PRKCH: variants seen among roughly 807,000 people sequenced by gnomAD.
PRKCH encodes protein kinase C eta type.
In PRKCH, 28 loss-of-function variants were observed where a neutral mutation model predicts 82.5. The ratio of observed to expected loss-of-function variants is 0.34; its 90% CI spans 0.25 to 0.47. The LOEUF (loss-of-function observed/expected upper bound fraction) is 0.47. Among genes scored for constraint, PRKCH ranks in the 20% least tolerant of loss-of-function variants. PRKCH has a pLI of 1.00. For missense variants in PRKCH, 705 were observed against 881.8 expected, an observed-to-expected ratio of 0.80 and a Z score of 2.54; for synonymous variants, 322 against 327.4, an observed-to-expected ratio of 0.98 and a Z score of 0.18.
At chr14:61,516,565 C>T (rs2042832076) in intron 10 of PRKCH, among the ~76,000 whole-genome samples, 1 of 152,118 alleles carries the variant, frequency 6.6e-6, no homozygotes, top group Admixed American at 6.5e-5. Context: ...AACTAAATGG[C>T]TATTTGGGAA....
intron 1 of PRKCH, among the ~76,000 whole-genome samples, chr14:61,265,261 G>A (rs376834942): frequency 6.6e-6 from 1 of 151,988 alleles, no homozygotes; most frequent in Non-Finnish European, 1.5e-5. Context: ...TGGGTGGATT[G>A]CTGGAACCCA....
chr14:61,222,391 T>C (rs1490870633), intron 1 of PRKCH, among the ~76,000 whole-genome samples: 3 of 145,376 alleles, frequency 2.1e-5, no homozygotes, highest in Admixed American at 2.0e-4. Flanking sequence ...TTATTGGTAG[T>C]ATCCTCATTT....
intron 12 of PRKCH, among the ~76,000 whole-genome samples, chr14:61,540,860 G>C (rs1001870827): frequency 6.6e-6 from 1 of 152,114 alleles, no homozygotes; most frequent in Non-Finnish European, 1.5e-5. Context: ...CTCTTGGCTC[G>C]TCCAGTATTC....
chr14:61,328,571 A>G (rs2045735573), intron 1 of PRKCH, among the ~76,000 whole-genome samples: 3 of 152,138 alleles, frequency 2.0e-5, no homozygotes, highest in African/African-American at 2.4e-5. Context: ...TTTGGTATCT[A>G]GTAAGTGTTA....
At chr14:61,375,719 C>T (rs78529033) in intron 1 of PRKCH, among the ~76,000 whole-genome samples, 4,154 of 152,078 alleles carry the variant, frequency 0.027, 209 homozygotes, top group African/African-American at 0.093. Context: ...ATTCAGTCAC[C>T]TCCCAGCAGG....
intron 10 of PRKCH, among the ~76,000 whole-genome samples, chr14:61,505,483 C>A (rs35395153): frequency 7.2e-6 from 1 of 139,086 alleles, no homozygotes; most frequent in South Asian, 2.4e-4. Context: ...TCAAGCAATT[C>A]TCCTGCCTCA....
At chr14:61,304,715 T>C (rs1420131349) in intron 1 of PRKCH, 2 of 152,036 alleles carry the variant, frequency 1.3e-5, no homozygotes, top group African/African-American at 4.8e-5. Flanking sequence ...TCCTAGCTAA[T>C]TGGGAGGCTG....
At chr14:61,453,422 A>G in intron 7 of PRKCH, 69 bp downstream of exon 7, 1 of 1,540,958 alleles carries the variant, frequency 6.5e-7, no homozygotes, top group Non-Finnish European at 8.8e-7. Context: ...CCCAAATGAG[A>G]GCATGTGGCC....
intron 10 of PRKCH, among the ~76,000 whole-genome samples, chr14:61,522,942 C>T (rs2042923973): frequency 6.6e-6 from 1 of 152,252 alleles, no homozygotes; most frequent in South Asian, 2.1e-4. Context: ...TTTGCTAATT[C>T]AGTGACTTTT....
At chr14:61,188,594 GGGT>G (rs1417957729) in intron 1 of PRKCH, among the ~76,000 whole-genome samples, 2 of 57,368 alleles carry the variant, frequency 3.5e-5, no homozygotes, top group African/African-American at 1.4e-4. Context: ...TGTGTCGGGG[GGGT>G]GGGGGGGTGG....
chr14:61,390,547 C>T (rs1159150043), intron 1 of PRKCH: 1 of 152,326 alleles, frequency 6.6e-6, no homozygotes, highest in Non-Finnish European at 1.5e-5. Context: ...TGGCACACGC[C>T]TGTAATCCCA....
At chr14:61,427,162 G>A (rs1033824310) in intron 2 of PRKCH, among the ~76,000 whole-genome samples, 1 of 152,170 alleles carries the variant, frequency 6.6e-6, no homozygotes, top group Non-Finnish European at 1.5e-5. Context: ...AAGGGGTGGG[G>A]AGTTGTATGG....
At chr14:61,430,991 C>T (rs12435501) in intron 2 of PRKCH, among the ~76,000 whole-genome samples, 30,227 of 152,094 alleles carry the variant, frequency 0.2, 3,380 homozygotes, top group Admixed American at 0.36. Flanking sequence ...CCTGACCTCG[C>T]GATCCGCCCG....
intron 2 of PRKCH, among the ~76,000 whole-genome samples, chr14:61,391,859 C>A (rs749924980): frequency 6.6e-6 from 1 of 152,122 alleles, no homozygotes; most frequent in Non-Finnish European, 1.5e-5. Flanking sequence ...AACCAGCACC[C>A]CAATCCAAGA....
At chr14:61,332,750 G>A (rs952670127) in intron 1 of PRKCH, among the ~76,000 whole-genome samples, 20 of 152,118 alleles carry the variant, frequency 1.3e-4, no homozygotes, top group Admixed American at 4.6e-4. Flanking sequence ...GACAAAAACC[G>A]CAAAGCTGCA....
intron 1 of PRKCH, among the ~76,000 whole-genome samples, chr14:61,367,500 A>G (rs1471928684): frequency 6.6e-6 from 1 of 151,446 alleles, no homozygotes; most frequent in Non-Finnish European, 1.5e-5. Flanking sequence ...TGATTTCCCT[A>G]TTTTCAGCAC....
chr14:61,365,369 T>G (rs1388269984), intron 1 of PRKCH, among the ~76,000 whole-genome samples: 8 of 152,132 alleles, frequency 5.3e-5, no homozygotes, highest in Admixed American at 5.2e-4. Context: ...AATAATACTT[T>G]TATGTATTTA....
intron 9 of PRKCH, among the ~76,000 whole-genome samples, chr14:61,464,756 A>T (rs1306978446): frequency 1.3e-5 from 2 of 152,130 alleles, no homozygotes; most frequent in African/African-American, 4.8e-5. Flanking sequence ...CATGGTGTAT[A>T]TGTGCTACAT....
At chr14:61,260,877 CA>C (rs1001110250) in intron 1 of PRKCH, among the ~76,000 whole-genome samples, 3 of 152,248 alleles carry the variant, frequency 2.0e-5, no homozygotes, top group African/African-American at 7.2e-5. Flanking sequence ...TGTACCCAAA[CA>C]ACTTCTGGTA....
Sources: allele counts gnomAD v4.1 joint callset (sites outside exome capture counted in the v4.1 genomes callset), GRCh38; gene constraint gnomAD v4.1.1; transcripts MANE v1.5; gene names NCBI Gene and HGNC (gene_info 2026-07-23, HGNC 2026-07-21).